PLCL1: variants seen among roughly 807,000 people sequenced by gnomAD.
PLCL1 encodes inactive phospholipase C-like protein 1.
Under a neutral mutation model 84.4 loss-of-function variants are expected in PLCL1, and 41 were observed. The ratio of observed to expected loss-of-function variants is 0.49; its 90% CI spans 0.38 to 0.63. The LOEUF (loss-of-function observed/expected upper bound fraction) is 0.63. Ranked by LOEUF, PLCL1 falls within the 30% of genes least tolerant of loss-of-function variation. PLCL1 has a pLI of 0.00. For missense variants in PLCL1, 1,206 were observed against 1,367.8 expected (o/e 0.88, Z 1.87); for synonymous variants, 490 against 488.3 (o/e 1.00, Z -0.05).
chr2:198,080,918 G>A (rs1416356505), intron 1 of PLCL1, among the ~76,000 whole-genome samples: 1 of 152,164 alleles, frequency 6.6e-6, no homozygotes, highest in Non-Finnish European at 1.5e-5. Context: ...GGATTCTTTT[G>A]CAGGCTAGAT....
chr2:197,815,427 T>C (rs1481145379), intron 1 of PLCL1, among the ~76,000 whole-genome samples: 1 of 152,198 alleles, frequency 6.6e-6, no homozygotes, highest in East Asian at 1.9e-4. Context: ...ACAATGCACC[T>C]GGTCACCTAA....
intron 1 of PLCL1, among the ~76,000 whole-genome samples, chr2:197,851,784 C>A (rs1446914221): frequency 6.6e-6 from 1 of 152,182 alleles, no homozygotes; most frequent in Non-Finnish European, 1.5e-5. Context: ...GGACAAAGTT[C>A]AAGGGGCCTT....
intron 5 of PLCL1, among the ~76,000 whole-genome samples, chr2:198,106,260 T>C (rs1693471717): frequency 6.6e-6 from 1 of 151,928 alleles, no homozygotes; most frequent in Non-Finnish European, 1.5e-5. Context: ...ATGCTGCACA[T>C]GTTTATGTGA....
At chr2:198,096,772 T>A (rs1350232385) in intron 3 of PLCL1, among the ~76,000 whole-genome samples, 2 of 152,166 alleles carry the variant, frequency 1.3e-5, no homozygotes, top group East Asian at 1.9e-4. Context: ...TGGAGAGCAG[T>A]TGATAGTGCT....
At chr2:197,939,211 G>A (rs183768857) in intron 1 of PLCL1, among the ~76,000 whole-genome samples, 9 of 152,180 alleles carry the variant, frequency 5.9e-5, no homozygotes, top group Admixed American at 5.9e-4. Flanking sequence ...ATAAGCAACT[G>A]CTGCTTTCCT....
rs184100891 is a variant in PLCL1 at position 198,080,256 on chromosome 2, T to C, written c.241-3502T>C. On this transcript the variant is annotated intron_variant, in intron 1 of 5. Coordinates refer to ENST00000428675, the MANE Select transcript of PLCL1 (RefSeq NM_006226.4). ...AATTTACCATTTAACCATTTTTAAG[T>C]GTATAGTTGAATTGTGTTAAGAGAG... 6.8e-4 allele frequency among the ~76,000 whole-genome samples: 104 copies of C among 152,342 alleles called. 3 individuals are homozygous for C. The South Asian group carries it at 0.013, about 20-fold the overall frequency.
chr2:198,105,960 C>A (rs1693464833), intron 5 of PLCL1, among the ~76,000 whole-genome samples: 1 of 151,828 alleles, frequency 6.6e-6, no homozygotes, highest in African/African-American at 2.4e-5. Context: ...ACAATATATT[C>A]TTGACAGCTA....
chr2:197,825,278 G>A (rs925729800), intron 1 of PLCL1, among the ~76,000 whole-genome samples: 5 of 152,272 alleles, frequency 3.3e-5, no homozygotes, highest in East Asian at 1.9e-4. Context: ...TTCAGCTGCT[G>A]TATGACACTG....
chr2:197,888,950 T>C lies in PLCL1; in HGVS notation c.240+83611T>C, dbSNP rs557575586. Among the ~76,000 whole-genome samples, 4 of 152,292 alleles carry C rather than the reference T, an allele frequency of 2.6e-5. No individual in the cohort carries two copies. The South Asian group carries it at 6.2e-4, about 24-fold the overall frequency. ...ATTATATTAAAATGATAAGGCTAAA[T>C]CTTATTTCCTTTTTCAAAATGTCAG... On this transcript the variant is annotated intron_variant, in intron 1 of 5. Transcript: ENST00000428675.
At chr2:197,859,966 G>C (rs1417699660) in intron 1 of PLCL1, among the ~76,000 whole-genome samples, 1 of 151,932 alleles carries the variant, frequency 6.6e-6, no homozygotes, top group Non-Finnish European at 1.5e-5. Context: ...AGATTATTTT[G>C]TTACCCAGGT....
intron 1 of PLCL1, among the ~76,000 whole-genome samples, chr2:197,931,934 T>G (rs1018512412): frequency 3.3e-5 from 5 of 152,186 alleles, no homozygotes; most frequent in Non-Finnish European, 5.9e-5. Context: ...AATTTACATA[T>G]GTATATTCAA....
intron 5 of PLCL1, among the ~76,000 whole-genome samples, chr2:198,107,216 T>G (rs753574148): frequency 7.9e-5 from 12 of 151,842 alleles, no homozygotes; most frequent in Admixed American, 1.3e-4. Context: ...CCATCAGATC[T>G]TGTGAGAACT....
chr2:197,846,034 G>A (rs988413435), intron 1 of PLCL1, among the ~76,000 whole-genome samples: 2 of 152,048 alleles, frequency 1.3e-5, no homozygotes, highest in African/African-American at 4.8e-5. Flanking sequence ...AAGAACGAGG[G>A]TCTGGTCGAA....
At chr2:197,868,972 G>C (rs1474250789) in intron 1 of PLCL1, among the ~76,000 whole-genome samples, 1 of 152,062 alleles carries the variant, frequency 6.6e-6, no homozygotes, top group Non-Finnish European at 1.5e-5. Flanking sequence ...GTGAGTTTTA[G>C]TCACATTTTA....
chr2:198,023,994 AC>A (rs1428547146), intron 1 of PLCL1, among the ~76,000 whole-genome samples: 1 of 152,190 alleles, frequency 6.6e-6, no homozygotes, highest in Non-Finnish European at 1.5e-5. Flanking sequence ...CTTGGAACTA[AC>A]CCAAATGCCC....
At chr2:198,036,991 G>A (rs568837852) in intron 1 of PLCL1, among the ~76,000 whole-genome samples, 24 of 152,244 alleles carry the variant, frequency 1.6e-4, no homozygotes, top group African/African-American at 5.8e-4. Context: ...GGTGGACACT[G>A]GGCCATTTAG....
At chr2:197,884,451 G>A (rs1415197965) in intron 1 of PLCL1, among the ~76,000 whole-genome samples, 1 of 152,152 alleles carries the variant, frequency 6.6e-6, no homozygotes, top group Non-Finnish European at 1.5e-5. Flanking sequence ...ACCTCACGTA[G>A]CAACAGAAGG....
intron 1 of PLCL1, among the ~76,000 whole-genome samples, chr2:198,041,937 C>T (rs774851786): frequency 6.6e-6 from 1 of 152,064 alleles, no homozygotes; most frequent in Non-Finnish European, 1.5e-5. Flanking sequence ...AGTTGGGTAT[C>T]CCCCCTTCCT....
chr2:198,136,686 C>T (rs989473409), intron 5 of PLCL1, among the ~76,000 whole-genome samples: 3 of 151,980 alleles, frequency 2.0e-5, no homozygotes, highest in East Asian at 1.9e-4. Context: ...GTACAGGGGC[C>T]CTGAGAATTG....
Sources: allele counts gnomAD v4.1 joint callset (sites outside exome capture counted in the v4.1 genomes callset), GRCh38; gene constraint gnomAD v4.1.1; transcripts MANE v1.5; gene names NCBI Gene and HGNC (gene_info 2026-07-23, HGNC 2026-07-21).